NRXN1: variants seen among roughly 807,000 people sequenced by gnomAD.
NRXN1 encodes neurexin-1.
Under a neutral mutation model 150.9 loss-of-function variants are expected in NRXN1, and 39 were observed. That is an observed-to-expected ratio of 0.26 (90% CI 0.20 to 0.34). The LOEUF (loss-of-function observed/expected upper bound fraction) is 0.34, where lower values mean the gene tolerates loss of function less well. Ranked by LOEUF, NRXN1 falls within the 10% of genes least tolerant of loss-of-function variation. The probability of loss-of-function intolerance (pLI) is 1.00; values close to 1 mark genes in which losing one functional copy is unlikely to be tolerated. For synonymous variants in NRXN1, 924 were observed against 757.0 expected, an observed-to-expected ratio of 1.22 and a Z score of -3.62; for missense variants, 1,815 against 1,949.9, an observed-to-expected ratio of 0.93 and a Z score of 1.30.
intron 8 of NRXN1, among the ~76,000 whole-genome samples, chr2:50,612,179 A>G (rs1346005885): frequency 6.6e-6 from 1 of 152,004 alleles, no homozygotes; most frequent in Non-Finnish European, 1.5e-5. Flanking sequence ...CAGTTACTTC[A>G]CTTTTCCTAT....
intron 17 of NRXN1, among the ~76,000 whole-genome samples, chr2:50,285,233 T>G (rs899257314): frequency 1.3e-5 from 2 of 152,182 alleles, no homozygotes; most frequent in African/African-American, 4.8e-5. Context: ...TGAAAGATTA[T>G]TGCAAGCTTT....
At chr2:50,977,588 C>T (rs1421826626) in intron 2 of NRXN1, among the ~76,000 whole-genome samples, 2 of 151,872 alleles carry the variant, frequency 1.3e-5, no homozygotes, top group Non-Finnish European at 2.9e-5. Context: ...CTCTATTCAA[C>T]AAAAATATTA....
chr2:50,714,589 C>T (rs1695617574), intron 5 of NRXN1, among the ~76,000 whole-genome samples: 1 of 152,102 alleles, frequency 6.6e-6, no homozygotes, highest in South Asian at 2.1e-4. Context: ...CATTTTATAG[C>T]ACCAAGTACA....
chr2:50,003,237 G>A (rs1015451009), intron 21 of NRXN1, among the ~76,000 whole-genome samples: 5 of 152,078 alleles, frequency 3.3e-5, no homozygotes, highest in African/African-American at 7.2e-5. Context: ...AGAGATGAGA[G>A]ATCAGAGGCT....
Position 50,206,335 on chromosome 2 carries a change from G to A in NRXN1, c.3546+30454C>T, listed in dbSNP as rs187658671. ...GGTTGTTGTAAACAAAAGTATTCAC[G>A]AGGTGGTCAGACCAATTTGAAATTA... On this transcript the variant is annotated intron_variant, in intron 18 of 22. Coordinates refer to ENST00000401669, the MANE Select transcript of NRXN1 (RefSeq NM_001330078.2). Among the ~76,000 whole-genome samples the A allele has an allele frequency of 5.3e-5, 8 of 151,956 alleles. No homozygotes were observed. The East Asian group carries it at 9.7e-4, about 18-fold the overall frequency.
intron 18 of NRXN1, among the ~76,000 whole-genome samples, chr2:50,117,817 G>A (rs1017296203): frequency 6.6e-6 from 1 of 151,094 alleles, no homozygotes. Context: ...ACAAGAATGT[G>A]ACAAAAATAT....
chr2:49,963,345 A>C (rs138012174), intron 21 of NRXN1, among the ~76,000 whole-genome samples: 45 of 152,350 alleles, frequency 3.0e-4, no homozygotes, highest in African/African-American at 1.1e-3. Flanking sequence ...AGTAGATGCC[A>C]CTAGCAGAGT....
At chr2:50,393,180 T>TA (rs1165171403) in intron 17 of NRXN1, among the ~76,000 whole-genome samples, 2 of 151,260 alleles carry the variant, frequency 1.3e-5, no homozygotes. Flanking sequence ...AAAAAAATAA[T>TA]AATAAAACAT....
intron 2 of NRXN1, among the ~76,000 whole-genome samples, chr2:50,978,040 A>G (rs1374880715): frequency 2.0e-5 from 3 of 151,338 alleles, no homozygotes; most frequent in African/African-American, 7.3e-5. Context: ...CTCACCTAAA[A>G]GTTGGACATC....
chr2:50,019,126 T>A (rs2152556960), intron 21 of NRXN1: 3 of 460,302 alleles, frequency 6.5e-6, no homozygotes. Context: ...GCTTTCATCA[T>A]CCCTAGGGTA....
At chr2:50,855,114 C>T (rs575094633) in intron 5 of NRXN1, among the ~76,000 whole-genome samples, 11 of 151,830 alleles carry the variant, frequency 7.2e-5, no homozygotes, top group East Asian at 3.9e-4. Flanking sequence ...AGAGGAAGAA[C>T]GTGGTGCAGT....
chr2:50,620,953 A>G (rs1485542291), intron 7 of NRXN1: 5 of 402,770 alleles, frequency 1.2e-5, no homozygotes, highest in Non-Finnish European at 1.8e-5. Context: ...ATTTTGTCTT[A>G]TCCCGTGTTA....
At chr2:50,895,501 C>A (rs537477120) in intron 5 of NRXN1, among the ~76,000 whole-genome samples, 3 of 151,772 alleles carry the variant, frequency 2.0e-5, no homozygotes, top group Admixed American at 2.0e-4. Context: ...GGGTCAGGCA[C>A]TGAAATGAGT....
At chr2:50,031,767 T>A (rs1294892265) in intron 21 of NRXN1, among the ~76,000 whole-genome samples, 1 of 152,086 alleles carries the variant, frequency 6.6e-6, no homozygotes, top group East Asian at 1.9e-4. Flanking sequence ...AATGTCTGTA[T>A]CATTTTGGGG....
chr2:50,714,020 T>C (rs913896698), intron 5 of NRXN1, among the ~76,000 whole-genome samples: 3 of 152,170 alleles, frequency 2.0e-5, no homozygotes, highest in Non-Finnish European at 2.9e-5. Context: ...ATATGACCAA[T>C]ATCTAACAAT....
chr2:50,460,102 G>C (rs2088012149), intron 17 of NRXN1, among the ~76,000 whole-genome samples: 2 of 152,066 alleles, frequency 1.3e-5, no homozygotes, highest in East Asian at 3.9e-4. Context: ...TCCTCTGAAT[G>C]CAGCTCTGGT....
At chr2:50,198,256 A>G in intron 18 of NRXN1, among the ~76,000 whole-genome samples, 1 of 152,208 alleles carries the variant, frequency 6.6e-6, no homozygotes, top group East Asian at 1.9e-4. Flanking sequence ...TTAGGAAAAG[A>G]AAAAAACATT....
chr2:50,443,389 T>C (rs2086134863), intron 17 of NRXN1, among the ~76,000 whole-genome samples: 1 of 152,192 alleles, frequency 6.6e-6, no homozygotes, highest in South Asian at 2.1e-4. Flanking sequence ...TGGCCTTCAG[T>C]CGTATAGAAA....
chr2:50,607,241 T>A (rs747783029), intron 8 of NRXN1, among the ~76,000 whole-genome samples: 2 of 152,156 alleles, frequency 1.3e-5, no homozygotes, highest in Non-Finnish European at 2.9e-5. Context: ...AAACATGATG[T>A]AAGCATACAC....
Sources: allele counts gnomAD v4.1 joint callset (sites outside exome capture counted in the v4.1 genomes callset), GRCh38; gene constraint gnomAD v4.1.1; transcripts MANE v1.5; gene names NCBI Gene and HGNC (gene_info 2026-07-23, HGNC 2026-07-21).